Variants in PTPRT observed in about 807,000 individuals in gnomAD.
PTPRT encodes protein tyrosine phosphatase receptor type T, also known as receptor-type tyrosine-protein phosphatase T.
A neutral mutation model predicts 176.8 loss-of-function variants in PTPRT; 56 were observed. The observed-to-expected ratio is 0.32, with a 90% confidence interval of 0.26 to 0.40. PTPRT has a LOEUF of 0.40. Among genes scored for constraint, PTPRT ranks in the 10% least tolerant of loss-of-function variants. PTPRT has a pLI of 1.00. For missense variants in PTPRT, 1,540 were observed against 1,908.2 expected (o/e 0.81, Z 3.60); for synonymous variants, 783 against 739.0 (o/e 1.06, Z -0.96).
chr20:42,891,127 T>C lies in PTPRT; in HGVS notation c.89-5195A>G, dbSNP rs189334980. ...CTTTATCAGCAGTGTGAAAACGGAC[T>C]AATACAGTCCCCAAAGACACTCATC... On this transcript the variant is annotated intron_variant, in intron 1 of 30. Coordinates refer to ENST00000373187, the MANE Select transcript of PTPRT (RefSeq NM_007050.6). Among the ~76,000 whole-genome samples, 7 of 152,320 alleles carry C rather than the reference T, an allele frequency of 4.6e-5. No homozygotes were observed. The East Asian group carries it at 1.2e-3, about 25-fold the overall frequency.
rs762711002 is a variant in PTPRT, at chr20:42,677,998, C to T, written c.1021G>A (p.Asp341Asn). 2.5e-6 allele frequency: 4 copies of T among 1,614,146 alleles called. No homozygotes were observed. The highest frequency in any genetic ancestry group is 2.2e-5 in the South Asian group (2 of 91,076). The stretch of plus-strand genomic sequence containing the variant: ...TGCCACAGCTTATAGTTGGGAGAGT[C>T]GACTATGTGGGTCTCTGCCCACGTG... Reference protein sequence around the residue: ...TGTWAETHIVDSPNYKLWHLD... With the variant: ...TGTWAETHIVNSPNYKLWHLD... The change falls in exon 7 of 31, where the codon GAC (aspartate) becomes AAC (asparagine). Residue 341 changes from aspartate to asparagine, a missense_variant. Asp to Asn is a conservative substitution (Grantham distance 23). This residue lies in a region of PTPRT where 273 missense variants were observed against 432.1 expected (regional missense o/e 0.63). Transcript: ENST00000373187.
At chr20:43,050,549 T>C (rs1480610037) in intron 1 of PTPRT, among the ~76,000 whole-genome samples, 1 of 152,084 alleles carries the variant, frequency 6.6e-6, no homozygotes, top group African/African-American at 2.4e-5. Flanking sequence ...TACCACAAGG[T>C]CCAAATCCGT....
chr20:43,039,484 A>G (rs536185162), intron 1 of PTPRT, among the ~76,000 whole-genome samples: 1 of 152,156 alleles, frequency 6.6e-6, no homozygotes, highest in South Asian at 2.1e-4. Context: ...AAACCATAAA[A>G]GCACCAGAAA....
At chr20:42,749,354 C>A (rs987518338) in intron 6 of PTPRT, among the ~76,000 whole-genome samples, 4 of 152,200 alleles carry the variant, frequency 2.6e-5, no homozygotes, top group Non-Finnish European at 5.9e-5. Context: ...AGCCACAGGA[C>A]CCATCTCAGA....
chr20:42,814,962 T>C (rs1341662587), intron 2 of PTPRT, among the ~76,000 whole-genome samples: 1 of 151,952 alleles, frequency 6.6e-6, no homozygotes, highest in Non-Finnish European at 1.5e-5. Context: ...CTAGACCAAA[T>C]GCTGAGTAAG....
At chr20:42,760,527 G>A (rs6072857) in intron 5 of PTPRT, among the ~76,000 whole-genome samples, 33,003 of 151,520 alleles carry the variant, frequency 0.22, 4,341 homozygotes, top group African/African-American at 0.38. Context: ...AAATCACTCC[G>A]TAGCTGAGCT....
intron 11 of PTPRT, among the ~76,000 whole-genome samples, chr20:42,330,374 G>A (rs1484030793): frequency 1.3e-5 from 2 of 152,044 alleles, no homozygotes; most frequent in Non-Finnish European, 2.9e-5. Context: ...TGCTTGGGAG[G>A]CTGAGGCAGG....
At chr20:42,563,451 A>G (rs573103335) in intron 7 of PTPRT, among the ~76,000 whole-genome samples, 1 of 152,342 alleles carries the variant, frequency 6.6e-6, no homozygotes, top group African/African-American at 2.4e-5. Context: ...AGATATTCCT[A>G]TGATGATCAA....
intron 2 of PTPRT, among the ~76,000 whole-genome samples, chr20:42,819,588 T>A (rs1208079143): frequency 6.6e-6 from 1 of 152,056 alleles, no homozygotes; most frequent in African/African-American, 2.4e-5. Flanking sequence ...AATGCCCCAA[T>A]TAAAAGACAC....
chr20:42,166,647 G>A (rs188395551), intron 16 of PTPRT, among the ~76,000 whole-genome samples: 13 of 152,244 alleles, frequency 8.5e-5, no homozygotes, highest in Admixed American at 8.5e-4. Context: ...GGCCAGGTGC[G>A]GTGGTTCATG....
intron 9 of PTPRT, among the ~76,000 whole-genome samples, chr20:42,435,838 G>T (rs898663522): frequency 6.6e-6 from 1 of 152,142 alleles, no homozygotes; most frequent in Admixed American, 6.5e-5. Flanking sequence ...ACAAGTATGA[G>T]GAGGAGGAAT....
At chr20:42,624,683 T>G (rs764638292) in intron 7 of PTPRT, among the ~76,000 whole-genome samples, 13 of 152,048 alleles carry the variant, frequency 8.5e-5, no homozygotes, top group Admixed American at 5.9e-4. Flanking sequence ...AAATCCAGAT[T>G]TGAGGGGCCA....
chr20:42,987,461 CA>C (rs940076785), intron 1 of PTPRT, among the ~76,000 whole-genome samples: 1 of 152,230 alleles, frequency 6.6e-6, no homozygotes, highest in African/African-American at 2.4e-5. Flanking sequence ...GCTTAGCTGA[CA>C]AAATCCCAAC....
intron 3 of PTPRT, among the ~76,000 whole-genome samples, chr20:42,790,400 C>T (rs1029352708): frequency 1.4e-5 from 2 of 146,964 alleles, no homozygotes; most frequent in South Asian, 4.6e-4. Context: ...TCTGTCATTG[C>T]CATGATTTTT....
intron 8 of PTPRT, among the ~76,000 whole-genome samples, chr20:42,457,062 A>C (rs1209181432): frequency 2.0e-5 from 3 of 152,166 alleles, no homozygotes; most frequent in Non-Finnish European, 4.4e-5. Flanking sequence ...TTTTACATTT[A>C]TTGGTATAAG....
At chr20:43,083,372 AT>A (rs1308570467) in intron 1 of PTPRT, among the ~76,000 whole-genome samples, 6 of 109,912 alleles carry the variant, frequency 5.5e-5, no homozygotes, top group East Asian at 4.6e-4. Context: ...ATATATATAC[AT>A]TTTTTGAGAC....
rs1983148376 is a variant in PTPRT at position 42,079,910 on chromosome 20, A to T, written c.*969T>A. ...CGAGAGATTTGTCTTAGAGGTACATACTCAAACTCCCCCGCCCCCTTCTTT... is the reference window on the plus strand; with the variant it reads ...CGAGAGATTTGTCTTAGAGGTACATTCTCAAACTCCCCCGCCCCCTTCTTT... On this transcript the variant is annotated 3_prime_UTR_variant, in exon 31 of 31. Transcript: ENST00000373187. The T allele has an allele frequency of 4.3e-6, 1 of 232,344 alleles. No individual in the cohort carries two copies. The highest frequency in any genetic ancestry group is 5.6e-5 in the Admixed American group (1 of 17,734). 14.4% of individuals were successfully genotyped at this position (232,344 alleles called of 1,614,324 possible).
chr20:42,743,133 A>T (rs2076636841), intron 6 of PTPRT, among the ~76,000 whole-genome samples: 1 of 152,102 alleles, frequency 6.6e-6, no homozygotes, highest in Non-Finnish European at 1.5e-5. Flanking sequence ...CTCTGCCAAT[A>T]ACTGCCTGCT....
At chr20:42,735,140 T>A (rs2076519697) in intron 6 of PTPRT, among the ~76,000 whole-genome samples, 1 of 152,238 alleles carries the variant, frequency 6.6e-6, no homozygotes, top group Non-Finnish European at 1.5e-5. Flanking sequence ...TGCTGATGAT[T>A]CATTGAAGCT....
Sources: gnomAD v4.1 joint callset for allele counts (sites outside exome capture counted in the v4.1 genomes callset) on GRCh38, gnomAD v4.1.1 for gene constraint, gnomAD v4.1.1 regional missense constraint, MANE v1.5 for transcripts, NCBI Gene and HGNC (gene_info 2026-07-23, HGNC 2026-07-21) for gene names.